The following EYS variants were observed in gnomAD, a reference collection of about 807,000 sequenced individuals.
The protein encoded by EYS is EGF-like photoreceptor maintenance factor.
In EYS, 250 loss-of-function variants were observed where a neutral mutation model predicts 282.1. That is an observed-to-expected ratio of 0.89 (90% confidence interval 0.80 to 0.98). The LOEUF (loss-of-function observed/expected upper bound fraction) is 0.98. Among genes scored for constraint, EYS ranks in the 50% least tolerant of loss-of-function variants. The pLI, the probability that EYS is intolerant of heterozygous loss-of-function variation, is 0.00. For missense variants in EYS, 4,016 were observed against 3,709.0 expected (o/e 1.08, Z -2.15); for synonymous variants, 1,355 against 1,282.9 (o/e 1.06, Z -1.20).
chr6:63,895,093 C>T (rs1211564073), intron 35 of EYS, among the ~76,000 whole-genome samples: 2 of 151,714 alleles, frequency 1.3e-5, no homozygotes, highest in Non-Finnish European at 2.9e-5. Flanking sequence ...TGGGTCACCC[C>T]CCATGGCCTC....
intron 30 of EYS, among the ~76,000 whole-genome samples, chr6:64,243,106 G>A (rs1766889787): frequency 6.7e-6 from 1 of 148,494 alleles, no homozygotes; most frequent in Admixed American, 6.8e-5. Context: ...ATTTTTATTT[G>A]TATATATAAA....
At chr6:65,016,284 T>G (rs1772047880) in intron 13 of EYS, among the ~76,000 whole-genome samples, 1 of 152,182 alleles carries the variant, frequency 6.6e-6, no homozygotes, top group African/African-American at 2.4e-5. Context: ...TATGGATGAC[T>G]TTTGATATCA....
At chr6:64,365,000 T>C (rs1772141687) in intron 29 of EYS, among the ~76,000 whole-genome samples, 1 of 151,996 alleles carries the variant, frequency 6.6e-6, no homozygotes. Flanking sequence ...TCGAGTATCA[T>C]TCAATTTACT....
At chr6:64,780,711 T>G (rs1209299780) in intron 22 of EYS, among the ~76,000 whole-genome samples, 1 of 152,140 alleles carries the variant, frequency 6.6e-6, no homozygotes, top group Non-Finnish European at 1.5e-5. Flanking sequence ...AATAAATTAA[T>G]TCATCTGGGA....
At chr6:65,114,716 T>C (rs548906249) in intron 12 of EYS, among the ~76,000 whole-genome samples, 1 of 151,968 alleles carries the variant, frequency 6.6e-6, no homozygotes, top group Non-Finnish European at 1.5e-5. Flanking sequence ...GACAGTTCTC[T>C]ACACTCCGGA....
intron 35 of EYS, among the ~76,000 whole-genome samples, chr6:63,880,733 GA>G: frequency 6.6e-6 from 1 of 152,192 alleles, no homozygotes; most frequent in South Asian, 2.1e-4. Context: ...TTTTAATCCT[GA>G]AAGGGGTAAT....
intron 30 of EYS, among the ~76,000 whole-genome samples, chr6:64,243,805 G>A (rs1459958172): frequency 6.6e-6 from 1 of 152,136 alleles, no homozygotes; most frequent in African/African-American, 2.4e-5. Flanking sequence ...TATACATGAT[G>A]TAACTCAGGA....
chr6:63,767,755 C>T (rs1313552611), intron 40 of EYS, among the ~76,000 whole-genome samples: 1 of 151,952 alleles, frequency 6.6e-6, no homozygotes, highest in East Asian at 1.9e-4. Context: ...AAAAAAGAGG[C>T]TAAATAGCTG....
intron 26 of EYS, among the ~76,000 whole-genome samples, chr6:64,552,988 C>G (rs148670250): frequency 1.4e-5 from 2 of 147,552 alleles, no homozygotes; most frequent in Non-Finnish European, 3.0e-5. Flanking sequence ...GAAGTTCCCT[C>G]CCTACCCACT....
chr6:65,029,895 G>C lies in EYS; in HGVS notation c.2137+27719C>G, dbSNP rs573589392. Among the ~76,000 whole-genome samples, 99 of 152,278 alleles carry C rather than the reference G, an allele frequency of 6.5e-4. No individual in the cohort carries two copies. The South Asian group carries it at 0.019, about 30-fold the overall frequency. On this transcript the variant is annotated intron_variant, in intron 13 of 42. Coordinates refer to ENST00000503581, the MANE Select transcript of EYS (RefSeq NM_001142800.2). ...TATGAGGGACGCATTCCTGGTGCCA[G>C]TGGGTCCTGGGGAAGGGGTGAGACA... is the stretch of plus-strand genomic sequence containing the variant.
At chr6:64,482,768 C>G (rs1776472962) in intron 26 of EYS, among the ~76,000 whole-genome samples, 1 of 151,668 alleles carries the variant, frequency 6.6e-6, no homozygotes, top group Non-Finnish European at 1.5e-5. Context: ...CTGGTGGGAA[C>G]TAACATCTTA....
intron 1 of EYS, among the ~76,000 whole-genome samples, chr6:65,677,038 G>T (rs992738026): frequency 1.1e-5 from 1 of 89,024 alleles, no homozygotes; most frequent in African/African-American, 4.2e-5. Context: ...ACTAGAAATT[G>T]AAAAAAAAAT....
intron 7 of EYS, among the ~76,000 whole-genome samples, chr6:65,390,568 GAA>G (rs112040058): frequency 6.8e-6 from 1 of 148,096 alleles, no homozygotes; most frequent in Non-Finnish European, 1.5e-5. Flanking sequence ...GTTTCAGTGA[GAA>G]AAAAAAAAGA....
intron 24 of EYS, among the ~76,000 whole-genome samples, chr6:64,604,095 C>G (rs1256194927): frequency 6.6e-6 from 1 of 151,874 alleles, no homozygotes; most frequent in Non-Finnish European, 1.5e-5. Flanking sequence ...GCTTCGCTCT[C>G]TGTATCTCTG....
intron 30 of EYS, among the ~76,000 whole-genome samples, chr6:64,256,110 A>G (rs1391604544): frequency 6.6e-6 from 1 of 152,054 alleles, no homozygotes; most frequent in African/African-American, 2.4e-5. Context: ...GAATATAATC[A>G]TAATACTCTT....
At chr6:63,788,314 C>T (rs551353549) in intron 38 of EYS, 65 bp from the exon 39 acceptor site, 4 of 1,299,606 alleles carry the variant, frequency 3.1e-6, no homozygotes, top group Admixed American at 2.9e-5. Context: ...TGTTAAGATA[C>T]TCTTTTGTTA....
At chr6:64,441,542 G>C (rs1022661528) in intron 26 of EYS, among the ~76,000 whole-genome samples, 3 of 152,124 alleles carry the variant, frequency 2.0e-5, no homozygotes, top group Non-Finnish European at 4.4e-5. Context: ...GGTCTAGTCG[G>C]AGCAAAAGTG....
chr6:63,738,310 C>T (rs375367315), intron 41 of EYS, among the ~76,000 whole-genome samples: 3 of 151,998 alleles, frequency 2.0e-5, no homozygotes, highest in African/African-American at 4.8e-5. Flanking sequence ...TGACACTATT[C>T]ACAATAGCAA....
intron 33 of EYS, among the ~76,000 whole-genome samples, chr6:64,053,649 A>G (rs1257986651): frequency 6.6e-6 from 1 of 152,178 alleles, no homozygotes; most frequent in Non-Finnish European, 1.5e-5. Context: ...TAAATAATTA[A>G]CTACAGGTGA....
Sources: allele counts gnomAD v4.1 joint callset (sites outside exome capture counted in the v4.1 genomes callset), GRCh38; gene constraint gnomAD v4.1.1; transcripts MANE v1.5; gene names NCBI Gene and HGNC (gene_info 2026-07-23, HGNC 2026-07-21).